Variants in PIBF1 observed in about 807,000 individuals in gnomAD.
PIBF1 encodes progesterone-induced-blocking factor 1.
In PIBF1, 90 loss-of-function variants were observed where a neutral mutation model predicts 112.5. The ratio of observed to expected loss-of-function variants is 0.80; its 90% CI spans 0.67 to 0.95. The LOEUF (loss-of-function observed/expected upper bound fraction) is 0.95. Ranked by LOEUF, PIBF1 falls within the 40% of genes least tolerant of loss-of-function variation. PIBF1 has a pLI of 0.00. For missense variants in PIBF1, 915 were observed against 852.3 expected (o/e 1.07, Z -0.92); for synonymous variants, 301 against 288.6 (o/e 1.04, Z -0.44).
At chr13:72,963,795 A>G (rs1004283066) in intron 14 of PIBF1, among the ~76,000 whole-genome samples, 27 of 152,200 alleles carry the variant, frequency 1.8e-4, no homozygotes, top group African/African-American at 6.0e-4. Flanking sequence ...CTTCTCTCCA[A>G]AGAAGATATA....
intron 8 of PIBF1, among the ~76,000 whole-genome samples, chr13:72,830,957 G>T (rs1184230091): frequency 6.6e-6 from 1 of 152,192 alleles, no homozygotes; most frequent in South Asian, 2.1e-4. Flanking sequence ...CTTGTTATTG[G>T]TTTATTCAGG....
chr13:72,943,432 C>CG (rs2042064791), intron 14 of PIBF1, among the ~76,000 whole-genome samples: 1 of 152,142 alleles, frequency 6.6e-6, no homozygotes, highest in Non-Finnish European at 1.5e-5. Flanking sequence ...TTCACATATG[C>CG]ATGTATCAAA....
intron 5 of PIBF1, among the ~76,000 whole-genome samples, chr13:72,813,705 T>C (rs2036130802): frequency 6.6e-6 from 1 of 152,212 alleles, no homozygotes; most frequent in Non-Finnish European, 1.5e-5. Flanking sequence ...AAAGACTTCT[T>C]AGGATGTAAC....
chr13:72,830,523 A>G (rs1036305299), intron 8 of PIBF1, among the ~76,000 whole-genome samples: 10 of 152,226 alleles, frequency 6.6e-5, no homozygotes, highest in East Asian at 1.9e-4. Flanking sequence ...TTCTTCATCT[A>G]TTGAGATAAT....
intron 5 of PIBF1, among the ~76,000 whole-genome samples, chr13:72,802,992 G>C (rs1384844182): frequency 1.3e-5 from 2 of 152,174 alleles, no homozygotes; most frequent in Non-Finnish European, 2.9e-5. Flanking sequence ...AAATGCTGTT[G>C]ATAGGTACAG....
Position 72,974,739 on chromosome 13 carries a change from C to T in PIBF1, c.2049+1064C>T, listed in dbSNP as rs931565658. Among the ~76,000 whole-genome samples, 5 of 152,028 alleles carry T rather than the reference C, an allele frequency of 3.3e-5. No homozygotes were observed. The South Asian group carries it at 6.2e-4, about 19-fold the overall frequency. On this transcript the variant is annotated intron_variant, in intron 16 of 17. Transcript: ENST00000326291. ...AGTTGTTTCCATTTGAGGACATCTC[C>T]GAATAAAATATCTGTAAACAATTAA...
At chr13:72,879,791 G>A (rs1205362536) in intron 10 of PIBF1, among the ~76,000 whole-genome samples, 2 of 152,202 alleles carry the variant, frequency 1.3e-5, no homozygotes, top group South Asian at 2.1e-4. Flanking sequence ...TTTTAATTAT[G>A]AGGGGGAAAT....
Position 72,900,543 on chromosome 13 carries a change from C to A in PIBF1, c.1488+6594C>A, listed in dbSNP as rs370623651. 5.0e-4 allele frequency among the ~76,000 whole-genome samples: 76 copies of A among 152,260 alleles called. 1 individual carries two copies. The South Asian group carries it at 0.016, about 31-fold the overall frequency. ...AAATGGTGCTGGGATAATTAGCTAGCCACATGTGGGAGAATGAAACTGGAT... is the reference window on the plus strand; with the variant it reads ...AAATGGTGCTGGGATAATTAGCTAGACACATGTGGGAGAATGAAACTGGAT... On this transcript the variant is annotated intron_variant, in intron 11 of 17. Coordinates refer to ENST00000326291, the MANE Select transcript of PIBF1 (RefSeq NM_006346.4).
chr13:72,875,669 C>G (rs1033852891), intron 10 of PIBF1, among the ~76,000 whole-genome samples: 2 of 152,142 alleles, frequency 1.3e-5, no homozygotes, highest in Non-Finnish European at 2.9e-5. Context: ...GTTGTTTTAA[C>G]TTACATTTTC....
Position 72,859,540 on chromosome 13 carries a change from A to C in PIBF1, c.1322+5385A>C, listed in dbSNP as rs1360636502. 2.6e-5 allele frequency among the ~76,000 whole-genome samples: 4 copies of C among 152,308 alleles called. No individual in the cohort carries two copies. In the East Asian group the frequency reaches 7.7e-4, roughly 29 times the overall value. On this transcript the variant is annotated intron_variant, in intron 10 of 17. Transcript: ENST00000326291. Reference sequence around the variant, plus strand: ...GGAAAAATTAAAACCATATTTAACAAATTTGATATAAAACAATAACAACAA... The same window carrying C: ...GGAAAAATTAAAACCATATTTAACACATTTGATATAAAACAATAACAACAA...
intron 9 of PIBF1, among the ~76,000 whole-genome samples, chr13:72,848,960 G>A (rs1209022900): frequency 6.6e-6 from 1 of 152,120 alleles, no homozygotes; most frequent in African/African-American, 2.4e-5. Context: ...ATTTTTAATA[G>A]CACCCTCTTT....
intron 14 of PIBF1, among the ~76,000 whole-genome samples, chr13:72,941,531 A>G (rs1036586495): frequency 7.9e-5 from 12 of 152,196 alleles, no homozygotes; most frequent in Non-Finnish European, 1.3e-4. Flanking sequence ...AACATAACCA[A>G]CCTTATTCAC....
At chr13:72,898,462 C>G (rs1193139369) in intron 11 of PIBF1, among the ~76,000 whole-genome samples, 1 of 151,676 alleles carries the variant, frequency 6.6e-6, no homozygotes, top group Non-Finnish European at 1.5e-5. Context: ...GAGATCAGAG[C>G]AGAACTAAAT....
chr13:72,986,049 G>T (rs1032324341), intron 16 of PIBF1, among the ~76,000 whole-genome samples: 1 of 152,048 alleles, frequency 6.6e-6, no homozygotes, highest in Non-Finnish European at 1.5e-5. Context: ...TATAGTCCCA[G>T]CTTCATGGGA....
intron 16 of PIBF1, among the ~76,000 whole-genome samples, chr13:72,997,321 T>C (rs1215118998): frequency 1.3e-5 from 2 of 152,200 alleles, no homozygotes; most frequent in East Asian, 1.9e-4. Flanking sequence ...TCAATAATTA[T>C]ATACTTCACC....
chr13:72,951,761 T>C (rs1374023856), intron 14 of PIBF1, among the ~76,000 whole-genome samples: 3 of 152,136 alleles, frequency 2.0e-5, no homozygotes, highest in Non-Finnish European at 4.4e-5. Flanking sequence ...ACAGAGTAGT[T>C]TCACTGCCCT....
At chr13:72,977,188 GTTTTGTTT>G (rs1201142770) in intron 16 of PIBF1, among the ~76,000 whole-genome samples, 1 of 11,664 alleles carries the variant, frequency 8.6e-5, no homozygotes, top group East Asian at 2.8e-3. Context: ...GTGTTGTTTT[GTTTTGTTT>G]TGTTTTGTTT....
intron 10 of PIBF1, among the ~76,000 whole-genome samples, chr13:72,891,303 A>C (rs1264537858): frequency 6.6e-6 from 1 of 152,102 alleles, no homozygotes; most frequent in Non-Finnish European, 1.5e-5. Flanking sequence ...AATTATCTTA[A>C]AGATCAATAT....
chr13:72,920,736 A>G (rs1019398599), intron 13 of PIBF1, among the ~76,000 whole-genome samples: 2 of 152,222 alleles, frequency 1.3e-5, no homozygotes, highest in Admixed American at 6.5e-5. Context: ...GTAGTACACT[A>G]TAATTGCACC....
Sources: allele counts gnomAD v4.1 joint callset (sites outside exome capture counted in the v4.1 genomes callset), GRCh38; gene constraint gnomAD v4.1.1; transcripts MANE v1.5; gene names NCBI Gene and HGNC (gene_info 2026-07-23, HGNC 2026-07-21).